Variants in RHBDD1 observed in about 807,000 individuals in gnomAD.
The protein encoded by RHBDD1 is rhomboid domain containing 1, also known as rhomboid-related protein 4.
In RHBDD1, 38 loss-of-function variants were observed where a neutral mutation model predicts 36.3. The ratio of observed to expected loss-of-function variants is 1.05; its 90% CI spans 0.81 to 1.37. The LOEUF (loss-of-function observed/expected upper bound fraction) is 1.37, where lower values mean the gene tolerates loss of function less well. Ranked by LOEUF, RHBDD1 falls within the 40% of genes most tolerant of loss-of-function variation. The probability of loss-of-function intolerance (pLI) is 0.00; values close to 1 mark genes in which losing one functional copy is unlikely to be tolerated. For missense variants in RHBDD1, 393 were observed against 377.6 expected (o/e 1.04, Z -0.34); for synonymous variants, 151 against 136.5 (o/e 1.11, Z -0.74).
intron 8 of RHBDD1, among the ~76,000 whole-genome samples, chr2:226,983,760 A>C (rs779469185): frequency 8.5e-5 from 13 of 152,186 alleles, no homozygotes; most frequent in Non-Finnish European, 1.5e-4. Context: ...TTGATTTCAA[A>C]AGTCAATGAA....
intron 8 of RHBDD1, among the ~76,000 whole-genome samples, chr2:226,960,926 G>T (rs1952149454): frequency 6.6e-6 from 1 of 152,284 alleles, no homozygotes; most frequent in Admixed American, 6.5e-5. Flanking sequence ...ACCTTCATTT[G>T]AAATTGTTTT....
intron 4 of RHBDD1, among the ~76,000 whole-genome samples, chr2:226,865,350 G>A (rs1559209705): frequency 6.6e-6 from 1 of 152,146 alleles, no homozygotes; most frequent in Admixed American, 6.5e-5. Context: ...GCTGGAAGGT[G>A]GTTTTGTAGA....
chr2:226,947,416 T>TA (rs1951059423), intron 8 of RHBDD1, among the ~76,000 whole-genome samples: 2 of 151,988 alleles, frequency 1.3e-5, no homozygotes. Flanking sequence ...TAGTTGTAGA[T>TA]ATGCGGCGTT....
chr2:226,867,750 G>A (rs1032418157), intron 5 of RHBDD1: 9 of 790,954 alleles, frequency 1.1e-5, no homozygotes, highest in Admixed American at 6.3e-5. Flanking sequence ...ATGGAGTCTC[G>A]CTCTGTTACC....
At chr2:226,888,541 T>C (rs890367694) in intron 5 of RHBDD1, among the ~76,000 whole-genome samples, 1 of 152,098 alleles carries the variant, frequency 6.6e-6, no homozygotes, top group African/African-American at 2.4e-5. Context: ...CAGACTATTA[T>C]GAGTCTTACC....
chr2:226,987,304 G>A (rs938370839), intron 8 of RHBDD1, among the ~76,000 whole-genome samples: 1 of 151,988 alleles, frequency 6.6e-6, no homozygotes, highest in Non-Finnish European at 1.5e-5. Context: ...TAACAAACCT[G>A]CATGTTCTGC....
intron 8 of RHBDD1, among the ~76,000 whole-genome samples, chr2:226,951,607 G>A (rs1951431625): frequency 6.6e-6 from 1 of 152,126 alleles, no homozygotes; most frequent in African/African-American, 2.4e-5. Flanking sequence ...GTAGATATCG[G>A]GGAAAGGCCA....
In RHBDD1 at chr2:226,988,752, G is replaced by A. The variant is rs1348834515; in HGVS notation, c.857-6679G>A. ...TATATTAAGAGATAGAACGAGCATAGAGAATTATTCCTGTAAGAAGTTACA... is the reference window on the plus strand; with the variant it reads ...TATATTAAGAGATAGAACGAGCATAAAGAATTATTCCTGTAAGAAGTTACA... On this transcript the variant is annotated intron_variant, in intron 8 of 8. Coordinates refer to ENST00000392062, the MANE Select transcript of RHBDD1 (RefSeq NM_001167608.3). 5 of 906,712 alleles carry A rather than the reference G, an allele frequency of 5.5e-6. No individual in the cohort carries two copies. The African/African-American group carries it at 9.0e-5, about 16-fold the overall frequency. 56.2% of individuals were successfully genotyped at this position (906,712 alleles called of 1,614,324 possible).
intron 8 of RHBDD1, among the ~76,000 whole-genome samples, chr2:226,927,355 T>G (rs537112779): frequency 6.1e-4 from 93 of 152,178 alleles, no homozygotes; most frequent in African/African-American, 2.2e-3. Context: ...TTTTTTTGTT[T>G]TTTTGTTTTA....
chr2:226,974,863 G>A (rs1195681082), intron 8 of RHBDD1, among the ~76,000 whole-genome samples: 1 of 152,172 alleles, frequency 6.6e-6, no homozygotes, highest in Non-Finnish European at 1.5e-5. Flanking sequence ...CCTCGCCAGT[G>A]CGTGGCTCAG....
At chr2:226,886,773 GAA>G (rs951537065) in intron 5 of RHBDD1, among the ~76,000 whole-genome samples, 8 of 152,178 alleles carry the variant, frequency 5.3e-5, no homozygotes, top group African/African-American at 1.9e-4. Context: ...TAAACATTGA[GAA>G]TACTACATAT....
the RHBDD1 span, among the ~76,000 whole-genome samples, chr2:226,806,500 G>T: frequency 1.3e-5 from 2 of 152,162 alleles, no homozygotes; most frequent in African/African-American, 4.8e-5. Flanking sequence ...GGAAATATAT[G>T]CAATATTAAC....
intron 5 of RHBDD1, among the ~76,000 whole-genome samples, chr2:226,903,698 C>A (rs1421410545): frequency 6.6e-6 from 1 of 152,060 alleles, no homozygotes; most frequent in Non-Finnish European, 1.5e-5. Flanking sequence ...AGCAAAGGCC[C>A]CACCCTCAAG....
At chr2:226,988,853 C>G (rs1957570775) in intron 8 of RHBDD1, 1 of 254,700 alleles carries the variant, frequency 3.9e-6, no homozygotes, top group African/African-American at 2.3e-5. Context: ...TATCTATTGC[C>G]AAACCTTACT....
At chr2:226,962,418 A>G (rs1301513238) in intron 8 of RHBDD1, among the ~76,000 whole-genome samples, 1 of 152,256 alleles carries the variant, frequency 6.6e-6, no homozygotes, top group Non-Finnish European at 1.5e-5. Context: ...AGTTCTAATT[A>G]ATACAAGTAA....
chr2:226,941,265 C>G (rs1950646334), intron 8 of RHBDD1, among the ~76,000 whole-genome samples: 1 of 152,178 alleles, frequency 6.6e-6, no homozygotes, highest in African/African-American at 2.4e-5. Context: ...CCCGACCGGC[C>G]TGGACTCACA....
intron 8 of RHBDD1, among the ~76,000 whole-genome samples, chr2:226,926,541 T>A (rs1949683634): frequency 6.6e-6 from 1 of 152,210 alleles, no homozygotes; most frequent in Admixed American, 6.5e-5. Context: ...TATTTCTGTA[T>A]ATATTGGCAC....
At chr2:226,954,132 G>A (rs1034118224) in intron 8 of RHBDD1, among the ~76,000 whole-genome samples, 8 of 152,118 alleles carry the variant, frequency 5.3e-5, no homozygotes, top group African/African-American at 9.7e-5. Flanking sequence ...TAAAACAGAC[G>A]GCACCCAAAC....
the RHBDD1 span, among the ~76,000 whole-genome samples, chr2:226,829,905 GTTCTT>G: frequency 2.0e-5 from 3 of 151,362 alleles, no homozygotes; most frequent in South Asian, 4.2e-4. Flanking sequence ...GACAGCAGAC[GTTCTT>G]TTCTTGTTTC....
Sources: allele counts gnomAD v4.1 joint callset (sites outside exome capture counted in the v4.1 genomes callset), GRCh38; gene constraint gnomAD v4.1.1; transcripts MANE v1.5; gene names NCBI Gene and HGNC (gene_info 2026-07-23, HGNC 2026-07-21).